The following HDAC9 variants were observed in gnomAD, a reference collection of about 807,000 sequenced individuals.
HDAC9 encodes the protein histone deacetylase 9.
A neutral mutation model predicts 139.4 loss-of-function variants in HDAC9; 41 were observed. The observed-to-expected ratio is 0.29, with a 90% CI of 0.23 to 0.38. The LOEUF is 0.38. Ranked by LOEUF, HDAC9 falls within the 10% of genes least tolerant of loss-of-function variation. The pLI is 1.00. For missense variants in HDAC9, 1,147 were observed against 1,297.0 expected (o/e 0.88, Z 1.78); for synonymous variants, 517 against 476.2 (o/e 1.09, Z -1.12).
At chr7:18,993,999 G>C (rs1337269964) in intron 25 of HDAC9, among the ~76,000 whole-genome samples, 4 of 152,052 alleles carry the variant, frequency 2.6e-5, no homozygotes, top group African/African-American at 9.7e-5. Context: ...AAGTTGCCCT[G>C]TTTCAACCAA....
upstream of HDAC9, among the ~76,000 whole-genome samples, chr7:18,288,982 CT>C (rs1797629338): frequency 6.6e-6 from 1 of 152,136 alleles, no homozygotes; most frequent in African/African-American, 2.4e-5. Context: ...AGTTCTCTCC[CT>C]TTCTTTTTCA....
chr7:18,280,038 C>G (rs1797001757), intron 2 of HDAC9, among the ~76,000 whole-genome samples: 1 of 152,082 alleles, frequency 6.6e-6, no homozygotes, highest in South Asian at 2.1e-4. Context: ...TGAAAATATA[C>G]TTATCCATTT....
At chr7:18,292,099 A>G (rs1797845627) in intron 1 of HDAC9, among the ~76,000 whole-genome samples, 1 of 152,062 alleles carries the variant, frequency 6.6e-6, no homozygotes, top group Non-Finnish European at 1.5e-5. Context: ...GACCTTCCCT[A>G]AGCTATTTTT....
intron 2 of HDAC9, among the ~76,000 whole-genome samples, chr7:18,566,950 A>C (rs1822556281): frequency 6.6e-6 from 1 of 152,164 alleles, no homozygotes; most frequent in African/African-American, 2.4e-5. Context: ...TATGTTCAGA[A>C]TCAAACCTTC....
intron 23 of HDAC9, among the ~76,000 whole-genome samples, chr7:18,943,542 T>C (rs546735002): frequency 6.6e-6 from 1 of 152,242 alleles, no homozygotes; most frequent in South Asian, 2.1e-4. Flanking sequence ...TATTTGGGTT[T>C]GATATGGAAC....
In HDAC9 at chr7:18,954,177, A is replaced by G; in HGVS notation, c.2969A>G (p.Gln990Arg). 2 of 1,575,102 alleles carry G rather than the reference A, an allele frequency of 1.3e-6. No homozygotes were observed. The highest frequency in any genetic ancestry group is 1.3e-5 in the African/African-American group (1 of 74,200). Residue 990 changes from glutamine to arginine, a missense_variant, in exon 24 of 26, where the codon CAA becomes CGA. Coordinates refer to ENST00000686413, the MANE Select transcript of HDAC9 (RefSeq NM_178425.4). ...CCACTTGCAGAAGATATTCTCCACCAAAGCCCGAATATGAATGCTGTTATT... is the reference window on the plus strand; with the variant it reads ...CCACTTGCAGAAGATATTCTCCACCGAAGCCCGAATATGAATGCTGTTATT... ...LEPLAEDILH[Q>R]SPNMNAVISL... is the part of the protein sequence containing the mutation.
At chr7:18,523,279 A>T (rs1366300476) in intron 2 of HDAC9, among the ~76,000 whole-genome samples, 1 of 152,206 alleles carries the variant, frequency 6.6e-6, no homozygotes, top group Non-Finnish European at 1.5e-5. Context: ...CTGCTGTATA[A>T]AGGATGGGAC....
intron 25 of HDAC9, among the ~76,000 whole-genome samples, chr7:18,995,459 G>A (rs754270922): frequency 6.6e-5 from 10 of 152,176 alleles, no homozygotes; most frequent in Non-Finnish European, 1.5e-4. Flanking sequence ...AGATGATGCC[G>A]AATAAAAACT....
intron 2 of HDAC9, among the ~76,000 whole-genome samples, chr7:18,284,792 C>A (rs140004618): frequency 8.0e-4 from 122 of 152,198 alleles, no homozygotes; most frequent in Non-Finnish European, 1.3e-3. Context: ...CTTTCTTCTT[C>A]ATTTGATTTA....
chr7:18,883,624 G>A (rs1369951890), intron 22 of HDAC9, among the ~76,000 whole-genome samples: 1 of 152,092 alleles, frequency 6.6e-6, no homozygotes, highest in South Asian at 2.1e-4. Flanking sequence ...CTAAGGTCAG[G>A]AACAAGATAA....
At position 18,610,541 on chromosome 7, in the gene HDAC9, C is replaced by A. The variant is rs954525988; in HGVS notation, c.664+16512C>A. Reference sequence around the variant, plus strand: ...GCTTATCTCACTTGCGCCCTCTAGACGTTTAGATGGAGTTTGCAGTTTACC... The same window carrying A: ...GCTTATCTCACTTGCGCCCTCTAGAAGTTTAGATGGAGTTTGCAGTTTACC... On this transcript the variant is annotated intron_variant, in intron 6 of 25. Coordinates refer to ENST00000686413, the MANE Select transcript of HDAC9 (RefSeq NM_178425.4). Among the ~76,000 whole-genome samples the A allele has an allele frequency of 2.6e-5, 4 of 152,210 alleles. No homozygotes were observed. The East Asian group carries it at 5.8e-4, about 22-fold the overall frequency.
chr7:18,293,425 G>A (rs951909626), intron 1 of HDAC9, among the ~76,000 whole-genome samples: 1 of 151,820 alleles, frequency 6.6e-6, no homozygotes, highest in Non-Finnish European at 1.5e-5. Context: ...ACCAAACACC[G>A]CATATTCTCA....
intron 1 of HDAC9, among the ~76,000 whole-genome samples, chr7:18,331,236 A>G (rs1441516519): frequency 1.3e-5 from 2 of 151,728 alleles, no homozygotes; most frequent in Non-Finnish European, 2.9e-5. Context: ...ATTTTAGCCA[A>G]TCAGGCATGT....
chr7:18,380,352 T>C (rs1473267902), intron 1 of HDAC9, among the ~76,000 whole-genome samples: 1 of 152,120 alleles, frequency 6.6e-6, no homozygotes, highest in African/African-American at 2.4e-5. Flanking sequence ...GAAAACACAG[T>C]TGTTGTAGTT....
At chr7:18,156,212 A>G (rs1357657515) in intron 1 of HDAC9, among the ~76,000 whole-genome samples, 2 of 152,204 alleles carry the variant, frequency 1.3e-5, no homozygotes, top group East Asian at 1.9e-4. Flanking sequence ...GGGGAAAAAA[A>G]GCTGAGGCTA....
intron 21 of HDAC9, among the ~76,000 whole-genome samples, chr7:18,840,240 G>C (rs1030965664): frequency 6.6e-6 from 1 of 152,062 alleles, no homozygotes; most frequent in East Asian, 1.9e-4. Context: ...GGGTTCTTTA[G>C]ATGCAAACAA....
chr7:18,923,780 A>G (rs1803971008), intron 22 of HDAC9, among the ~76,000 whole-genome samples: 1 of 152,132 alleles, frequency 6.6e-6, no homozygotes. Context: ...CTCCCTTTTC[A>G]TGTCCCACAC....
chr7:18,892,986 G>T (rs1346285503), intron 22 of HDAC9, among the ~76,000 whole-genome samples: 1 of 126,772 alleles, frequency 7.9e-6, no homozygotes, highest in Non-Finnish European at 1.6e-5. Flanking sequence ...CCTTCCTTCT[G>T]CAGCTGTGTT....
Position 18,102,957 on chromosome 7 carries a change from T to C in HDAC9, c.-97+15744T>C, listed in dbSNP as rs1209683987. On this transcript the variant is annotated intron_variant, in intron 1 of 12. Coordinates refer to the HDAC9 transcript ENST00000417496. ...TTTTTAAAGAAGGCCTAGGACAGTGTATTAATCTGTTCTCACACTGCTAAT... is the reference window on the plus strand; with the variant it reads ...TTTTTAAAGAAGGCCTAGGACAGTGCATTAATCTGTTCTCACACTGCTAAT... 2.0e-5 allele frequency among the ~76,000 whole-genome samples: 3 copies of C among 152,160 alleles called. No homozygotes were observed. In the East Asian group the frequency reaches 5.8e-4, roughly 29 times the overall value.
Sources: gnomAD v4.1 joint callset for allele counts (sites outside exome capture counted in the v4.1 genomes callset) on GRCh38, gnomAD v4.1.1 for gene constraint, MANE v1.5 for transcripts, NCBI Gene and HGNC (gene_info 2026-07-23, HGNC 2026-07-21) for gene names.